GNG4: variants seen among roughly 807,000 people sequenced by gnomAD.
The protein encoded by GNG4 is G protein subunit gamma 4.
In GNG4, 4 loss-of-function variants were observed where a neutral mutation model predicts 5.8. That is an observed-to-expected ratio of 0.69 (90% CI 0.34 to 1.57). GNG4 has a LOEUF of 1.57. Among genes scored for constraint, GNG4 ranks in the 40% most tolerant of loss-of-function variants. GNG4 has a pLI of 0.06. For missense variants in GNG4, 96 were observed against 95.1 expected (o/e 1.01, Z -0.04); for synonymous variants, 29 against 32.9 (o/e 0.88, Z 0.41).
At chr1:235,602,834 C>T (rs1029374215) in intron 1 of GNG4, among the ~76,000 whole-genome samples, 1 of 152,190 alleles carries the variant, frequency 6.6e-6, no homozygotes, top group Non-Finnish European at 1.5e-5. Context: ...CATTAAGATT[C>T]CCCCCTTTCA....
At chr1:235,585,403 C>T (rs369253263) in intron 2 of GNG4, among the ~76,000 whole-genome samples, 31 of 152,238 alleles carry the variant, frequency 2.0e-4, no homozygotes, top group African/African-American at 6.7e-4. Context: ...CCATGCCTGG[C>T]TAATTAAAAA....
intron 3 of GNG4, among the ~76,000 whole-genome samples, chr1:235,572,449 C>T (rs545771645): frequency 1.5e-3 from 222 of 152,156 alleles, no homozygotes; most frequent in African/African-American, 5.0e-3. Context: ...ATCCACCCAC[C>T]TTGGCCTCAC....
At chr1:235,593,116 T>G (rs924222128) in intron 2 of GNG4, among the ~76,000 whole-genome samples, 62 of 152,276 alleles carry the variant, frequency 4.1e-4, no homozygotes, top group African/African-American at 1.3e-3. Context: ...GCCCAGCTAA[T>G]TTTTGTATTT....
intron 2 of GNG4, among the ~76,000 whole-genome samples, chr1:235,589,620 G>C (rs1052998147): frequency 6.6e-6 from 1 of 152,220 alleles, no homozygotes; most frequent in Non-Finnish European, 1.5e-5. Flanking sequence ...TTGTGAACCT[G>C]ACAACGTGAC....
intron 1 of GNG4, among the ~76,000 whole-genome samples, chr1:235,606,521 G>A (rs543237273): frequency 5.3e-5 from 8 of 152,128 alleles, no homozygotes; most frequent in African/African-American, 1.9e-4. Context: ...TGCTGGGGAG[G>A]GGGGAAAGGA....
At chr1:235,552,393 T>G (rs1014938197) in intron 3 of GNG4, among the ~76,000 whole-genome samples, 156 bp from the exon 4 acceptor site, 1 of 152,078 alleles carries the variant, frequency 6.6e-6, no homozygotes, top group African/African-American at 2.4e-5. Flanking sequence ...AGGGAGGGTT[T>G]GTGCAGATCT....
chr1:235,609,476 G>A (rs183887521), intron 1 of GNG4, among the ~76,000 whole-genome samples: 21 of 152,080 alleles, frequency 1.4e-4, no homozygotes, highest in East Asian at 1.9e-4. Context: ...GTTGTGATTC[G>A]CATTTGCCTA....
intron 1 of GNG4, among the ~76,000 whole-genome samples, chr1:235,608,574 C>A (rs979525536): frequency 6.6e-6 from 1 of 152,190 alleles, no homozygotes; most frequent in African/African-American, 2.4e-5. Context: ...TGCTTTCTGT[C>A]TCTACAGATT....
chr1:235,650,396 A>C (rs1300094555), upstream of GNG4, among the ~76,000 whole-genome samples: 1 of 151,816 alleles, frequency 6.6e-6, no homozygotes, highest in Admixed American at 6.5e-5. Context: ...GGCCGCGGTC[A>C]GCGCGGGCTC....
rs895771183 is a variant in GNG4 at position 235,589,363 on chromosome 1, C to T, written c.-10-5515G>A. The stretch of plus-strand genomic sequence containing the variant: ...GCTGACCCCGAAGGCAGGGGAGAGT[C>T]GGCCATGCAGCTATGTGTGGGAGCT... On this transcript the variant is annotated intron_variant, in intron 2 of 3. Transcript: ENST00000391854. 3.9e-5 allele frequency among the ~76,000 whole-genome samples: 6 copies of T among 152,138 alleles called. No homozygotes were observed. The South Asian group carries it at 1.0e-3, about 26-fold the overall frequency.
chr1:235,650,319 G>A (rs1657649915), upstream of GNG4, among the ~76,000 whole-genome samples: 15 of 138,856 alleles, frequency 1.1e-4, no homozygotes, highest in African/African-American at 2.5e-4. Flanking sequence ...TGCGGGGCGG[G>A]GCCGGGGGGG....
rs368885655 is a variant in GNG4 at position 235,648,412 on chromosome 1, C to A, written c.-123+1250G>T. On this transcript the variant is annotated intron_variant, in intron 1 of 3. Coordinates refer to ENST00000391854, the MANE Select transcript of GNG4 (RefSeq NM_001098722.2). This position sits in a 1 kb window ranked among gnomAD's most constrained non-coding sequence, Gnocchi z 5.0. ...TTTATAGGTCCTCTGTCTGTTTCTC[C>A]GGGCTGGAAAAGGCTTTCCATTTAT... 6.6e-6 allele frequency among the ~76,000 whole-genome samples: 1 copy of A among 152,218 alleles called. No homozygotes were observed. Among genetic ancestry groups the A allele is most frequent in the Non-Finnish European group, 1.5e-5 (1 of 68,032 alleles).
At chr1:235,593,666 A>C (rs1328012974) in intron 2 of GNG4, among the ~76,000 whole-genome samples, 1 of 151,866 alleles carries the variant, frequency 6.6e-6, no homozygotes, top group Non-Finnish European at 1.5e-5. Flanking sequence ...GGAGTTTCTT[A>C]CTTCTGGTGG....
intron 1 of GNG4, among the ~76,000 whole-genome samples, chr1:235,606,983 G>A (rs563469754): frequency 7.0e-6 from 1 of 142,078 alleles, no homozygotes; most frequent in African/African-American, 2.7e-5. Context: ...GTCTCACCCA[G>A]GCTGGAGTGC....
In GNG4 at chr1:235,642,331, G is replaced by C. The variant is rs1657357066; in HGVS notation, c.-123+7331C>G. Among the ~76,000 whole-genome samples the C allele has an allele frequency of 1.3e-5, 2 of 152,202 alleles. No individual in the cohort carries two copies. The highest frequency in any genetic ancestry group is 4.1e-4 in the South Asian group (2 of 4,832). On this transcript the variant is annotated intron_variant, in intron 1 of 3. Coordinates refer to ENST00000391854, the MANE Select transcript of GNG4 (RefSeq NM_001098722.2). The surrounding 1 kb of genome is among the most constrained non-coding windows in gnomAD (Gnocchi z 4.3). ...ACTGGTGCTTGGGGGTGGGAAAAGA[G>C]TGACCGGGGGCAACTGAGCAAAACA...
intron 1 of GNG4, among the ~76,000 whole-genome samples, chr1:235,603,422 C>T (rs1688296771): frequency 6.6e-6 from 1 of 152,112 alleles, no homozygotes; most frequent in South Asian, 2.1e-4. Flanking sequence ...TGCTGTTTCT[C>T]AGTCATCCTA....
At chr1:235,592,774 G>A (rs554267748) in intron 2 of GNG4, among the ~76,000 whole-genome samples, 1 of 151,998 alleles carries the variant, frequency 6.6e-6, no homozygotes, top group South Asian at 2.1e-4. Flanking sequence ...ATGTACCTCC[G>A]ACTTTAAAAA....
At position 235,644,777 on chromosome 1, in the gene GNG4, G is replaced by C. The variant is rs1164010270; in HGVS notation, c.-123+4885C>G. Among the ~76,000 whole-genome samples, 1 of 152,206 alleles carries C rather than the reference G, an allele frequency of 6.6e-6. No individual in the cohort carries two copies. The highest frequency in any genetic ancestry group is 1.5e-5 in the Non-Finnish European group (1 of 68,034). On this transcript the variant is annotated intron_variant, in intron 1 of 3. Transcript: ENST00000391854. The surrounding 1 kb of genome is among the most constrained non-coding windows in gnomAD (Gnocchi z 5.9). ...GGCCCTGCTGGAAATTTCCATCCAGGGTCTGTGCAGGGCGGGTACCCCAGA... is the reference window on the plus strand; with the variant it reads ...GGCCCTGCTGGAAATTTCCATCCAGCGTCTGTGCAGGGCGGGTACCCCAGA...
At chr1:235,605,267 T>G (rs1320577101) in intron 1 of GNG4, among the ~76,000 whole-genome samples, 2 of 151,284 alleles carry the variant, frequency 1.3e-5, no homozygotes, top group Non-Finnish European at 2.9e-5. Flanking sequence ...CCCGGCTCAC[T>G]ACAACCTCCG....
Sources: allele counts gnomAD v4.1 joint callset (sites outside exome capture counted in the v4.1 genomes callset), GRCh38; gene constraint gnomAD v4.1.1; non-coding constraint Gnocchi (gnomAD v3.1); transcripts MANE v1.5; gene names NCBI Gene and HGNC (gene_info 2026-07-23, HGNC 2026-07-21).